The following EML1 variants were observed in gnomAD, a reference collection of about 807,000 sequenced individuals.
The protein encoded by EML1 is EMAP like 1.
EML1 carries 27 observed loss-of-function variants against 110.4 expected under a neutral mutation model. That is an observed-to-expected ratio of 0.24 (90% CI 0.18 to 0.34). The LOEUF is 0.34. EML1 is among the 10% of genes least tolerant of loss of function. The pLI is 1.00. For missense variants in EML1, 741 were observed against 1,030.9 expected, an observed-to-expected ratio of 0.72 and a Z score of 3.85; for synonymous variants, 344 against 385.8, an observed-to-expected ratio of 0.89 and a Z score of 1.27.
intron 1 of EML1, among the ~76,000 whole-genome samples, chr14:99,822,771 G>A (rs1422420859): frequency 6.6e-6 from 1 of 152,178 alleles, no homozygotes; most frequent in Non-Finnish European, 1.5e-5. Flanking sequence ...CCTGCAGGGG[G>A]TGGCAGTAGA....
chr14:99,795,098 A>T (rs768266997), intron 1 of EML1, among the ~76,000 whole-genome samples: 17 of 152,250 alleles, frequency 1.1e-4, no homozygotes, highest in Non-Finnish European at 2.1e-4. Flanking sequence ...TTACAAATTT[A>T]ATCTGTGGGC....
intron 1 of EML1, among the ~76,000 whole-genome samples, chr14:99,848,010 G>A (rs972336129): frequency 2.0e-5 from 3 of 151,960 alleles, no homozygotes; most frequent in African/African-American, 4.8e-5. Context: ...TTGCTTTAAT[G>A]TAACATGTAA....
intron 17 of EML1, among the ~76,000 whole-genome samples, chr14:99,922,744 A>G (rs562678699): frequency 6.3e-4 from 96 of 152,128 alleles, no homozygotes; most frequent in Admixed American, 4.6e-4. Context: ...GACTATTGAT[A>G]TTGAGCATTT....
chr14:99,771,384 A>G (rs75759913), upstream of EML1, among the ~76,000 whole-genome samples: 8,447 of 152,286 alleles, frequency 0.055, 255 homozygotes, highest in African/African-American at 0.075. Context: ...AGGTTCATCC[A>G]TGTTGAAGCC....
upstream of EML1, among the ~76,000 whole-genome samples, chr14:99,772,706 A>G (rs1020446766): frequency 6.6e-6 from 1 of 152,266 alleles, no homozygotes; most frequent in Non-Finnish European, 1.5e-5. Context: ...ATGAATCAAT[A>G]CTTGCTCTAT....
intron 2 of EML1, among the ~76,000 whole-genome samples, chr14:99,851,672 G>T (rs181208901): frequency 2.0e-4 from 31 of 152,210 alleles, no homozygotes; most frequent in African/African-American, 7.0e-4. Context: ...ATGATCCTTT[G>T]GGCCACTTTT....
intron 1 of EML1, among the ~76,000 whole-genome samples, chr14:99,808,413 A>C (rs1032872518): frequency 6.6e-5 from 10 of 152,210 alleles, no homozygotes; most frequent in African/African-American, 2.4e-4. Context: ...GTAATACCAG[A>C]AACATTTCTT....
chr14:99,747,910 T>A (rs1184635457), intron 1 of EML1, among the ~76,000 whole-genome samples: 1 of 152,194 alleles, frequency 6.6e-6, no homozygotes, highest in African/African-American at 2.4e-5. Flanking sequence ...TCCTTTTCTT[T>A]CCATCTTGAA....
chr14:99,829,616 C>T (rs973808324), intron 1 of EML1, among the ~76,000 whole-genome samples: 1 of 152,158 alleles, frequency 6.6e-6, no homozygotes, highest in African/African-American at 2.4e-5. Context: ...CTCAATGAAG[C>T]AGCACCTCCC....
In EML1 at chr14:99,939,031, A is replaced by G. The variant is rs1413474479; in HGVS notation, c.2192-166A>G. Among the ~76,000 whole-genome samples the G allele has an allele frequency of 6.6e-6, 1 of 152,226 alleles. No individual in the cohort carries two copies. Among genetic ancestry groups the G allele is most frequent in the Non-Finnish European group, 1.5e-5 (1 of 68,036 alleles). On this transcript the variant is annotated intron_variant, in intron 20 of 21. Coordinates refer to ENST00000262233, the MANE Select transcript of EML1 (RefSeq NM_004434.3). This position sits in a 1 kb window ranked among gnomAD's most constrained non-coding sequence, Gnocchi z 4.2. ...GCCTGAGTGAGAGGAGACTGGGCGC[A>G]CAGCGAGAGGCCAGGAACTGAGGCT...
intron 1 of EML1, among the ~76,000 whole-genome samples, chr14:99,794,469 C>G (rs780675625): frequency 6.6e-6 from 1 of 151,864 alleles, no homozygotes; most frequent in Non-Finnish European, 1.5e-5. Flanking sequence ...AATTCTAGAC[C>G]CTTTGACAAC....
chr14:99,789,896 A>G (rs911117615), upstream of EML1, among the ~76,000 whole-genome samples: 1 of 152,220 alleles, frequency 6.6e-6, no homozygotes, highest in Non-Finnish European at 1.5e-5. Flanking sequence ...GTGGAATATC[A>G]GTCTGTTAAA....
intron 1 of EML1, among the ~76,000 whole-genome samples, chr14:99,741,154 C>T (rs1566844296): frequency 6.6e-6 from 1 of 152,226 alleles, no homozygotes; most frequent in Non-Finnish European, 1.5e-5. Context: ...CTGTGAGCCT[C>T]TGTGACAGAT....
intron 1 of EML1, among the ~76,000 whole-genome samples, chr14:99,842,135 A>C (rs2058643723): frequency 6.6e-6 from 1 of 152,210 alleles, no homozygotes; most frequent in African/African-American, 2.4e-5. Flanking sequence ...AAAATAAATA[A>C]GTTGTTAAAG....
At chr14:99,908,156 C>T (rs1165889378) in intron 10 of EML1, among the ~76,000 whole-genome samples, 1 of 152,186 alleles carries the variant, frequency 6.6e-6, no homozygotes, top group African/African-American at 2.4e-5. Context: ...GGGCAGGGGC[C>T]GCCAGCACGG....
At chr14:99,795,738 A>G (rs561896611) in intron 1 of EML1, among the ~76,000 whole-genome samples, 7 of 152,346 alleles carry the variant, frequency 4.6e-5, no homozygotes, top group Admixed American at 1.3e-4. Context: ...TTCTTTTTAA[A>G]TGAGAGACTT....
intron 2 of EML1, among the ~76,000 whole-genome samples, chr14:99,861,586 A>G (rs992784043): frequency 1.3e-5 from 2 of 152,136 alleles, no homozygotes; most frequent in Non-Finnish European, 2.9e-5. Context: ...GGTTCAAGCA[A>G]TTCTCCTGCC....
chr14:99,927,443 T>G (rs554731573), intron 17 of EML1, among the ~76,000 whole-genome samples: 3 of 152,204 alleles, frequency 2.0e-5, no homozygotes, highest in African/African-American at 7.2e-5. Flanking sequence ...AAGCTGTATA[T>G]GTGTTGCTGT....
chr14:99,927,249 C>G (rs1471809176), intron 17 of EML1, among the ~76,000 whole-genome samples: 10 of 152,138 alleles, frequency 6.6e-5, no homozygotes, highest in Admixed American at 6.5e-4. Flanking sequence ...TTCTGTTAAT[C>G]CATAGGTGTT....
Sources: gnomAD v4.1 joint callset for allele counts (sites outside exome capture counted in the v4.1 genomes callset) on GRCh38, gnomAD v4.1.1 for gene constraint, Gnocchi (gnomAD v3.1) non-coding constraint, MANE v1.5 for transcripts, NCBI Gene and HGNC (gene_info 2026-07-23, HGNC 2026-07-21) for gene names.